CPNE8: variants seen among roughly 807,000 people sequenced by gnomAD.
CPNE8 encodes copine-8.
CPNE8 carries 45 observed loss-of-function variants against 81.5 expected under a neutral mutation model. That is an observed-to-expected ratio of 0.55 (90% CI 0.44 to 0.71). CPNE8 has a LOEUF of 0.71. Among genes scored for constraint, CPNE8 ranks in the 30% least tolerant of loss-of-function variants. The pLI is 0.00. For synonymous variants in CPNE8, 252 were observed against 226.3 expected, an observed-to-expected ratio of 1.11 and a Z score of -1.02; for missense variants, 594 against 672.1, an observed-to-expected ratio of 0.88 and a Z score of 1.28.
At chr12:38,655,294 C>G (rs1938792894) in intron 19 of CPNE8, among the ~76,000 whole-genome samples, 1 of 152,136 alleles carries the variant, frequency 6.6e-6, no homozygotes, top group Admixed American at 6.5e-5. Context: ...ATTCCATTCT[C>G]ATTTATAATG....
chr12:38,739,926 A>G (rs1486349), intron 10 of CPNE8, among the ~76,000 whole-genome samples: 122,621 of 152,062 alleles, frequency 0.81, 52,409 homozygotes, highest in Middle Eastern at 0.97. Context: ...CTACAATATG[A>G]TAGACTCTTT....
At chr12:38,831,552 G>T (rs1241457938) in intron 5 of CPNE8, among the ~76,000 whole-genome samples, 1 of 152,100 alleles carries the variant, frequency 6.6e-6, no homozygotes, top group Non-Finnish European at 1.5e-5. Context: ...TCTGATACTT[G>T]GATACTGCCG....
At chr12:38,859,509 A>T (rs1057194717) in intron 3 of CPNE8, among the ~76,000 whole-genome samples, 4 of 152,162 alleles carry the variant, frequency 2.6e-5, no homozygotes, top group Admixed American at 2.6e-4. Flanking sequence ...AGTGATCTTG[A>T]TCTTTGATTG....
At chr12:38,806,844 C>A (rs1261125507) in intron 6 of CPNE8, among the ~76,000 whole-genome samples, 4 of 150,142 alleles carry the variant, frequency 2.7e-5, no homozygotes, top group Admixed American at 2.7e-4. Context: ...GCTGGTATAT[C>A]TAGAAAACCC....
At chr12:38,724,297 T>TA (rs1043784003) in intron 12 of CPNE8, among the ~76,000 whole-genome samples, 2 of 152,184 alleles carry the variant, frequency 1.3e-5, no homozygotes, top group Non-Finnish European at 2.9e-5. Flanking sequence ...TAGATTTTGC[T>TA]ACTCCCCAAA....
At chr12:38,691,900 C>A (rs915746257) in intron 15 of CPNE8, among the ~76,000 whole-genome samples, 70 of 152,134 alleles carry the variant, frequency 4.6e-4, no homozygotes, top group African/African-American at 1.5e-3. Flanking sequence ...TCTTAAAGGC[C>A]TCACTTAATA....
chr12:38,683,888 G>A (rs776346447), intron 16 of CPNE8, among the ~76,000 whole-genome samples: 8 of 151,822 alleles, frequency 5.3e-5, no homozygotes, highest in East Asian at 1.9e-4. Context: ...ACAAAAAATC[G>A]CAATAGAACA....
At chr12:38,851,220 T>C (rs1211804431) in intron 3 of CPNE8, among the ~76,000 whole-genome samples, 1 of 152,218 alleles carries the variant, frequency 6.6e-6, no homozygotes, top group Non-Finnish European at 1.5e-5. Flanking sequence ...TTAAATCCCA[T>C]CTACATGATA....
At chr12:38,657,069 G>A (rs968154944) in intron 19 of CPNE8, among the ~76,000 whole-genome samples, 14 of 152,206 alleles carry the variant, frequency 9.2e-5, no homozygotes, top group Non-Finnish European at 1.5e-4. Context: ...GAAGCAGTGC[G>A]GGGTGTCACT....
intron 1 of CPNE8, among the ~76,000 whole-genome samples, chr12:38,900,906 T>C (rs181027715): frequency 1.3e-5 from 2 of 152,254 alleles, no homozygotes; most frequent in East Asian, 1.9e-4. Context: ...CTTCATAGTC[T>C]TCCTTCCACT....
At chr12:38,680,846 T>G (rs1381784079) in intron 16 of CPNE8, among the ~76,000 whole-genome samples, 1 of 151,968 alleles carries the variant, frequency 6.6e-6, no homozygotes, top group African/African-American at 2.4e-5. Flanking sequence ...AAATAAAAAG[T>G]TATTTCCTAA....
chr12:38,797,035 G>A (rs898856799), intron 6 of CPNE8, among the ~76,000 whole-genome samples: 2 of 152,194 alleles, frequency 1.3e-5, no homozygotes, highest in East Asian at 1.9e-4. Flanking sequence ...GGTAAACAAA[G>A]CAGCCGGGAA....
chr12:38,681,026 G>T (rs763509079), intron 16 of CPNE8, among the ~76,000 whole-genome samples: 5 of 151,842 alleles, frequency 3.3e-5, no homozygotes, highest in Non-Finnish European at 7.4e-5. Flanking sequence ...GGAAACAAAA[G>T]ACTAATAGGA....
chr12:38,800,132 G>A (rs1942622652), intron 6 of CPNE8, among the ~76,000 whole-genome samples: 3 of 121,972 alleles, frequency 2.5e-5, no homozygotes, highest in South Asian at 3.4e-4. Flanking sequence ...CAGCCAGGAA[G>A]CTCGAACTGG....
At chr12:38,841,220 C>G (rs1943463527) in intron 4 of CPNE8, among the ~76,000 whole-genome samples, 1 of 152,096 alleles carries the variant, frequency 6.6e-6, no homozygotes, top group Non-Finnish European at 1.5e-5. Flanking sequence ...AGGACAGGGT[C>G]TTTTCTAATC....
At chr12:38,789,240 G>A (rs1045462408) in intron 6 of CPNE8, among the ~76,000 whole-genome samples, 1 of 151,792 alleles carries the variant, frequency 6.6e-6, no homozygotes, top group African/African-American at 2.4e-5. Context: ...CATAGTACTG[G>A]CATAAAAGTA....
intron 10 of CPNE8, among the ~76,000 whole-genome samples, chr12:38,742,774 A>T (rs560361776): frequency 1.3e-5 from 2 of 151,858 alleles, no homozygotes; most frequent in Non-Finnish European, 2.9e-5. Flanking sequence ...TGCTATGTTT[A>T]TTTTGTTCTA....
intron 4 of CPNE8, among the ~76,000 whole-genome samples, chr12:38,841,599 G>C (rs930253337): frequency 2.0e-5 from 3 of 152,094 alleles, no homozygotes; most frequent in African/African-American, 7.2e-5. Context: ...ACAAACAGGA[G>C]GTTCATAAAT....
intron 1 of CPNE8, among the ~76,000 whole-genome samples, chr12:38,884,392 G>C (rs926254976): frequency 6.6e-6 from 1 of 152,058 alleles, no homozygotes. Flanking sequence ...CCGTTTTATT[G>C]CCAAATCATA....
Sources: allele counts gnomAD v4.1 joint callset (sites outside exome capture counted in the v4.1 genomes callset), GRCh38; gene constraint gnomAD v4.1.1; transcripts MANE v1.5; gene names NCBI Gene and HGNC (gene_info 2026-07-23, HGNC 2026-07-21).